Variants in GLIS3 observed in about 807,000 individuals in gnomAD.
The protein encoded by GLIS3 is zinc finger protein GLIS3.
A neutral mutation model predicts 78.6 loss-of-function variants in GLIS3; 53 were observed. That is an observed-to-expected ratio of 0.67 (90% CI 0.54 to 0.85). GLIS3 has a LOEUF of 0.85. Ranked by LOEUF, GLIS3 falls within the 40% of genes least tolerant of loss-of-function variation. GLIS3 has a pLI of 0.00. For missense variants in GLIS3, 1,703 were observed against 1,231.1 expected (o/e 1.38, Z -5.74); for synonymous variants, 684 against 509.9 (o/e 1.34, Z -4.60).
At chr9:4,459,295 G>T in the GLIS3 span, among the ~76,000 whole-genome samples, 8 of 152,306 alleles carry the variant, frequency 5.3e-5, no homozygotes, top group East Asian at 1.5e-3. Flanking sequence ...AAAGATAAAA[G>T]CAAAGACAGC....
chr9:3,981,185 A>G (rs1277370467), intron 4 of GLIS3, among the ~76,000 whole-genome samples: 20 of 152,256 alleles, frequency 1.3e-4, no homozygotes, highest in African/African-American at 4.6e-4. Context: ...TCAGCCCTCT[A>G]CTGGGACATT....
chr9:4,376,282 C>T, the GLIS3 span, among the ~76,000 whole-genome samples: 1 of 152,114 alleles, frequency 6.6e-6, no homozygotes, highest in Non-Finnish European at 1.5e-5. Context: ...AAAACTAATT[C>T]ATCTTTTCAG....
chr9:3,884,149 C>G (rs1010027462), intron 7 of GLIS3, among the ~76,000 whole-genome samples: 12 of 152,202 alleles, frequency 7.9e-5, no homozygotes, highest in Admixed American at 5.9e-4. Flanking sequence ...GTATGCAGTT[C>G]TCTTTGTCCA....
At chr9:4,179,680 C>A (rs149483988) in intron 2 of GLIS3, among the ~76,000 whole-genome samples, 6,126 of 152,186 alleles carry the variant, frequency 0.04, 135 homozygotes, top group East Asian at 0.073. Flanking sequence ...GAGGCTGAGG[C>A]AGGCAGATCA....
chr9:4,229,471 T>C (rs892793643), intron 2 of GLIS3, among the ~76,000 whole-genome samples: 1 of 152,198 alleles, frequency 6.6e-6, no homozygotes, highest in African/African-American at 2.4e-5. Flanking sequence ...AGAAAAGTTA[T>C]AGTGGGTCTT....
intron 4 of GLIS3, among the ~76,000 whole-genome samples, chr9:4,013,243 C>T (rs1008903236): frequency 2.6e-5 from 4 of 152,154 alleles, no homozygotes; most frequent in Non-Finnish European, 4.4e-5. Context: ...CCACTACAGA[C>T]GTTAAGCAGC....
In GLIS3 at chr9:3,992,666, A is replaced by C. The variant is rs77943011; in HGVS notation, c.1711-55477T>G. Among the ~76,000 whole-genome samples, 817 of 152,336 alleles carry C rather than the reference A, an allele frequency of 5.4e-3. 5 individuals carry two copies. Among genetic ancestry groups the C allele is most frequent in the African/African-American group, 0.019 (783 of 41,576 alleles). On this transcript the variant is annotated intron_variant, in intron 4 of 10. Transcript: ENST00000381971. ...CATAACTGTTTTTTCAACTTTTGAC[A>C]ATTTTTTAAAAATTTTCATCGTAAG...
At chr9:4,126,405 T>C (rs1417061747) in intron 2 of GLIS3, among the ~76,000 whole-genome samples, 1 of 152,234 alleles carries the variant, frequency 6.6e-6, no homozygotes, top group Non-Finnish European at 1.5e-5. Context: ...TTCACAAGGA[T>C]GTAGTCTGGC....
At chr9:4,133,932 C>T (rs2130950208) in intron 2 of GLIS3, among the ~76,000 whole-genome samples, 1 of 151,876 alleles carries the variant, frequency 6.6e-6, no homozygotes, top group East Asian at 1.9e-4. Context: ...ATTCTAGTTC[C>T]TCATATCCAT....
At chr9:4,331,638 C>T (rs1187619765) in intron 2 of GLIS3, among the ~76,000 whole-genome samples, 1 of 152,138 alleles carries the variant, frequency 6.6e-6, no homozygotes, top group Admixed American at 6.5e-5. Context: ...TAAATTCACC[C>T]AATTACACAA....
At chr9:4,046,832 A>T (rs1188781331) in intron 4 of GLIS3, among the ~76,000 whole-genome samples, 1 of 152,216 alleles carries the variant, frequency 6.6e-6, no homozygotes, top group Non-Finnish European at 1.5e-5. Context: ...TTCTTCAAAT[A>T]AATGAAAACT....
At chr9:4,397,480 G>A in the GLIS3 span, among the ~76,000 whole-genome samples, 2 of 151,666 alleles carry the variant, frequency 1.3e-5, no homozygotes, top group Non-Finnish European at 2.9e-5. Context: ...GGTGGGATGT[G>A]TCCCACTGCT....
chr9:4,257,592 G>A (rs1375903444), intron 2 of GLIS3, among the ~76,000 whole-genome samples: 1 of 28,730 alleles, frequency 3.5e-5, no homozygotes, highest in African/African-American at 9.9e-5. Context: ...GTTATTTTTT[G>A]AGACGGAGTC....
intron 2 of GLIS3, among the ~76,000 whole-genome samples, chr9:4,235,513 C>A (rs1315989868): frequency 6.6e-6 from 1 of 152,162 alleles, no homozygotes; most frequent in African/African-American, 2.4e-5. Context: ...GTGATTTAGT[C>A]CTTTTGGTAA....
At chr9:3,912,219 A>G (rs1824202341) in intron 6 of GLIS3, among the ~76,000 whole-genome samples, 1 of 152,192 alleles carries the variant, frequency 6.6e-6, no homozygotes. Flanking sequence ...AGAAGAGGCT[A>G]TTGCGTACGT....
chr9:4,408,191 C>G, the GLIS3 span, among the ~76,000 whole-genome samples: 3 of 151,946 alleles, frequency 2.0e-5, no homozygotes, highest in African/African-American at 7.3e-5. Context: ...ACAACCACTA[C>G]GGAGAACAGC....
At chr9:4,140,609 T>C (rs1335689065) in intron 2 of GLIS3, among the ~76,000 whole-genome samples, 1 of 152,114 alleles carries the variant, frequency 6.6e-6, no homozygotes, top group Non-Finnish European at 1.5e-5. Context: ...CCCCCAGAGC[T>C]GCTCAACTAT....
At chr9:4,139,969 A>G (rs1464101221) in intron 2 of GLIS3, among the ~76,000 whole-genome samples, 1 of 152,138 alleles carries the variant, frequency 6.6e-6, no homozygotes, top group African/African-American at 2.4e-5. Context: ...ATATAAATCA[A>G]TGGGACTTTT....
intron 4 of GLIS3, chr9:4,306,142 T>G (rs1817222093): frequency 6.6e-6 from 1 of 152,204 alleles, no homozygotes; most frequent in East Asian, 1.9e-4. Flanking sequence ...TGCAGTGGTG[T>G]GATCATAGCT....
Sources: allele counts gnomAD v4.1 joint callset (sites outside exome capture counted in the v4.1 genomes callset), GRCh38; gene constraint gnomAD v4.1.1; transcripts MANE v1.5; gene names NCBI Gene and HGNC (gene_info 2026-07-23, HGNC 2026-07-21).